ZMIZ1: variants seen among roughly 807,000 people sequenced by gnomAD.
The protein encoded by ZMIZ1 is zinc finger MIZ domain-containing protein 1.
ZMIZ1 carries 17 observed loss-of-function variants against 113.9 expected under a neutral mutation model. The observed-to-expected ratio is 0.15, with a 90% CI of 0.10 to 0.22. The LOEUF is 0.22. Among genes scored for constraint, ZMIZ1 ranks in the 10% least tolerant of loss-of-function variants. The pLI is 1.00. For synonymous variants in ZMIZ1, 607 were observed against 603.1 expected, an observed-to-expected ratio of 1.01 and a Z score of -0.09; for missense variants, 1,059 against 1,477.8, an observed-to-expected ratio of 0.72 and a Z score of 4.65.
intron 7 of ZMIZ1, among the ~76,000 whole-genome samples, chr10:79,248,435 G>A (rs1055203666): frequency 6.6e-6 from 1 of 152,202 alleles, no homozygotes; most frequent in Non-Finnish European, 1.5e-5. Flanking sequence ...CTTCAGGGCA[G>A]TGGGGAGCCA....
chr10:79,088,316 G>C (rs1230981791), intron 1 of ZMIZ1, among the ~76,000 whole-genome samples: 2 of 152,266 alleles, frequency 1.3e-5, no homozygotes, highest in Non-Finnish European at 2.9e-5. Context: ...CAGGCCACAA[G>C]GCTTCTTGGG....
At chr10:79,121,214 C>A (rs1261915403) in intron 2 of ZMIZ1, among the ~76,000 whole-genome samples, 1 of 152,198 alleles carries the variant, frequency 6.6e-6, no homozygotes, top group East Asian at 1.9e-4. Context: ...TCATTTATTA[C>A]CCACTTTGCA....
At chr10:79,074,417 A>G (rs1172950617) in intron 1 of ZMIZ1, among the ~76,000 whole-genome samples, 1 of 152,192 alleles carries the variant, frequency 6.6e-6, no homozygotes, top group Non-Finnish European at 1.5e-5. Flanking sequence ...ATGGCAGCAC[A>G]TGGTCCATGC....
At chr10:79,224,109 T>C (rs962820900) in intron 7 of ZMIZ1, among the ~76,000 whole-genome samples, 5 of 152,194 alleles carry the variant, frequency 3.3e-5, no homozygotes, top group South Asian at 2.1e-4. Context: ...ACATGTAATA[T>C]TAACTTTCCA....
At chr10:79,286,237 C>T (rs1294929329) in intron 8 of ZMIZ1, among the ~76,000 whole-genome samples, 1 of 152,256 alleles carries the variant, frequency 6.6e-6, no homozygotes, top group African/African-American at 2.4e-5. Context: ...CCATCCCAGC[C>T]AGGCCATGCC....
intron 1 of ZMIZ1, among the ~76,000 whole-genome samples, chr10:79,085,411 C>T (rs1379040989): frequency 1.3e-5 from 2 of 152,220 alleles, no homozygotes; most frequent in Non-Finnish European, 2.9e-5. Flanking sequence ...TTTGCACATG[C>T]CATTGGGCAG....
At chr10:79,286,893 G>C (rs1853124862) in intron 8 of ZMIZ1, among the ~76,000 whole-genome samples, 1 of 152,220 alleles carries the variant, frequency 6.6e-6, no homozygotes, top group Non-Finnish European at 1.5e-5. Context: ...CATTTCCTGA[G>C]CCTGGCCAGG....
chr10:79,235,318 G>A (rs900786224), intron 7 of ZMIZ1, among the ~76,000 whole-genome samples: 6 of 152,198 alleles, frequency 3.9e-5, no homozygotes, highest in African/African-American at 7.2e-5. Context: ...AGGCTGCACC[G>A]GGTGATGAAG....
At chr10:79,121,427 T>C (rs1844287868) in intron 2 of ZMIZ1, among the ~76,000 whole-genome samples, 1 of 152,232 alleles carries the variant, frequency 6.6e-6, no homozygotes, top group Non-Finnish European at 1.5e-5. Context: ...AGTTCTGACC[T>C]AGTATTCCCA....
intron 1 of ZMIZ1, among the ~76,000 whole-genome samples, chr10:79,094,374 CTG>C (rs1843101612): frequency 6.6e-6 from 1 of 151,226 alleles, no homozygotes; most frequent in African/African-American, 2.4e-5. Flanking sequence ...TCTCAGGAAA[CTG>C]GGGTCATTGC....
intron 8 of ZMIZ1, among the ~76,000 whole-genome samples, chr10:79,281,869 G>A (rs906501028): frequency 6.6e-6 from 1 of 152,230 alleles, no homozygotes; most frequent in Non-Finnish European, 1.5e-5. Context: ...ATTAAACAGC[G>A]CACAGGGCTG....
rs748789705 is a variant in ZMIZ1, at chr10:79,292,339, A to G, written c.940A>G (p.Ile314Val). 8 of 1,610,956 alleles carry G rather than the reference A, an allele frequency of 5.0e-6. No individual in the cohort carries two copies. The highest frequency in any genetic ancestry group is 6.8e-6 in the Non-Finnish European group (8 of 1,177,764). The change falls in exon 11 of 25, where the codon ATA becomes GTA. Residue 314 changes from isoleucine to valine, a missense_variant. Around this residue, in one of 6 missense-constraint regions of ZMIZ1, gnomAD observed 83 missense variants for 103.7 expected, o/e 0.80. Transcript: ENST00000334512. ...AALQETQNKD[I>V]NQYGPMGPTQ... ...CCTGCAGGAGACACAGAACAAGGAT[A>G]TAAACCAGTATGGACCGGTAAGGGT...
chr10:79,193,700 G>A (rs998928765), intron 4 of ZMIZ1, among the ~76,000 whole-genome samples: 2 of 152,190 alleles, frequency 1.3e-5, no homozygotes, highest in Non-Finnish European at 2.9e-5. Flanking sequence ...GGATAGGGAT[G>A]GAAACCAAGA....
chr10:79,208,886 G>A (rs78231260), intron 6 of ZMIZ1, among the ~76,000 whole-genome samples: 98 of 152,190 alleles, frequency 6.4e-4, no homozygotes, highest in African/African-American at 2.1e-3. Context: ...ACATCCATCC[G>A]TCTAACCAAA....
chr10:79,217,292 G>T (rs1848773721), intron 7 of ZMIZ1, among the ~76,000 whole-genome samples: 1 of 152,188 alleles, frequency 6.6e-6, no homozygotes, highest in Non-Finnish European at 1.5e-5. Flanking sequence ...GGGTGTGGTG[G>T]CGGGCGCCTG....
chr10:79,120,390 G>A (rs1238200471), intron 2 of ZMIZ1, among the ~76,000 whole-genome samples: 4 of 152,170 alleles, frequency 2.6e-5, no homozygotes, highest in Non-Finnish European at 1.5e-5. Context: ...CACACACAAC[G>A]CAGGGTGCAT....
intron 8 of ZMIZ1, among the ~76,000 whole-genome samples, chr10:79,287,911 TAGGAC>T (rs1853192123): frequency 6.6e-6 from 1 of 152,070 alleles, no homozygotes; most frequent in Non-Finnish European, 1.5e-5. Context: ...AATATATAAT[TAGGAC>T]AGTGGTGGAG....
intron 7 of ZMIZ1, among the ~76,000 whole-genome samples, chr10:79,237,690 G>T (rs148925693): frequency 2.6e-5 from 4 of 152,188 alleles, no homozygotes; most frequent in African/African-American, 9.7e-5. Context: ...TCATCTTAAC[G>T]TGGTCATCTG....
intron 8 of ZMIZ1, among the ~76,000 whole-genome samples, chr10:79,283,566 T>C (rs2131999684): frequency 6.6e-6 from 1 of 152,316 alleles, no homozygotes; most frequent in South Asian, 2.1e-4. Context: ...ACAGCTGCCA[T>C]TTTTAGCTCG....
Sources: allele counts gnomAD v4.1 joint callset (sites outside exome capture counted in the v4.1 genomes callset), GRCh38; gene constraint gnomAD v4.1.1; regional missense constraint gnomAD v4.1.1; transcripts MANE v1.5; gene names NCBI Gene and HGNC (gene_info 2026-07-23, HGNC 2026-07-21).